BPTF: variants seen among roughly 807,000 people sequenced by gnomAD.
BPTF encodes bromodomain PHD finger transcription factor.
In BPTF, 18 loss-of-function variants were observed where a neutral mutation model predicts 292.5. That is an observed-to-expected ratio of 0.06 (90% CI 0.04 to 0.09). The LOEUF (loss-of-function observed/expected upper bound fraction) is 0.09, where lower values mean the gene tolerates loss of function less well. Ranked by LOEUF, BPTF falls within the 10% of genes least tolerant of loss-of-function variation. The pLI, the probability that BPTF is intolerant of heterozygous loss-of-function variation, is 1.00. For synonymous variants in BPTF, 1,225 were observed against 1,251.9 expected (o/e 0.98, Z 0.45); for missense variants, 2,726 against 3,498.7 (o/e 0.78, Z 5.57).
Position 67,854,407 on chromosome 17 carries a change from A to C in BPTF, c.1081A>C (p.Ile361Leu). 2 of 1,614,212 alleles carry C rather than the reference A, an allele frequency of 1.2e-6. No individual in the cohort carries two copies. The highest frequency in any genetic ancestry group is 2.2e-5 in the South Asian group (2 of 91,084). ...DYPYGPVENK[I>L]KVLQFLVDQF... ...CCCATATGGACCAGTAGAGAACAAGATCAAAGTTCTACAGTTTCTAGTCGA... is the reference window on the plus strand; with the variant it reads ...CCCATATGGACCAGTAGAGAACAAGCTCAAAGTTCTACAGTTTCTAGTCGA... Residue 361 changes from isoleucine to leucine, a missense_variant, in exon 2 of 28, where the codon ATC becomes CTC. Physicochemically the swap from Ile to Leu is conservative, Grantham distance 5 (BLOSUM62 2). Coordinates refer to ENST00000306378, the MANE Select transcript of BPTF (RefSeq NM_182641.4). This position sits in a 1 kb window ranked among gnomAD's most constrained non-coding sequence, Gnocchi z 5.6.
intron 1 of BPTF, among the ~76,000 whole-genome samples, chr17:67,826,821 C>T (rs141082284): frequency 5.3e-5 from 8 of 152,298 alleles, no homozygotes; most frequent in African/African-American, 1.9e-4. Context: ...AGGATTTGGA[C>T]AGATTGTGGT....
At chr17:67,844,752 A>T (rs569450617) in intron 1 of BPTF, among the ~76,000 whole-genome samples, 1 of 149,248 alleles carries the variant, frequency 6.7e-6, no homozygotes, top group Non-Finnish European at 1.5e-5. Flanking sequence ...TTTTTTATTT[A>T]TTTTTTTTGA....
intron 7 of BPTF, among the ~76,000 whole-genome samples, chr17:67,902,924 T>C (rs1001718510): frequency 2.0e-5 from 3 of 152,194 alleles, no homozygotes; most frequent in African/African-American, 7.2e-5. Flanking sequence ...CCTTTCTTTG[T>C]AGGTTTTGCT....
intron 13 of BPTF, among the ~76,000 whole-genome samples, chr17:67,920,933 A>G (rs2063388072): frequency 6.6e-6 from 1 of 152,102 alleles, no homozygotes; most frequent in South Asian, 2.1e-4. Context: ...AAGGCCAGGT[A>G]CAGTGGCTCA....
At chr17:67,932,753 A>G (rs1253533220) in intron 18 of BPTF, among the ~76,000 whole-genome samples, 3 of 152,074 alleles carry the variant, frequency 2.0e-5, no homozygotes, top group Non-Finnish European at 2.9e-5. Flanking sequence ...AACCCTATAC[A>G]TTTATGAGAA....
intron 27 of BPTF, among the ~76,000 whole-genome samples, chr17:67,976,714 A>AAAAAAAAAAG (rs1555694156): frequency 1.2e-4 from 14 of 116,580 alleles, no homozygotes; most frequent in East Asian, 3.9e-4. Flanking sequence ...AAAAAAAAAA[A>AAAAAAAAAAG]ATAAGAATAA....
intron 4 of BPTF, among the ~76,000 whole-genome samples, chr17:67,885,962 G>C (rs2060725007): frequency 6.6e-6 from 1 of 152,062 alleles, no homozygotes; most frequent in South Asian, 2.1e-4. Flanking sequence ...AAAAAAATAA[G>C]GTGTTGCCTA....
chr17:67,932,166 A>C (rs1211794722), intron 18 of BPTF, 147 bp downstream of exon 18: 8 of 652,056 alleles, frequency 1.2e-5, no homozygotes, highest in Non-Finnish European at 1.5e-5. Context: ...TGTGAGCTCT[A>C]TTCATTGATA....
At chr17:67,857,782 C>CTTT (rs35999365) in intron 2 of BPTF, among the ~76,000 whole-genome samples, 86 of 103,386 alleles carry the variant, frequency 8.3e-4, no homozygotes, top group South Asian at 1.7e-3. Flanking sequence ...ATATTTCTTT[C>CTTT]TTTTTTTTTT....
chr17:67,946,655 A>G (rs2065834068), intron 21 of BPTF, among the ~76,000 whole-genome samples: 1 of 152,228 alleles, frequency 6.6e-6, no homozygotes, highest in Admixed American at 6.5e-5. Flanking sequence ...CAGACATTAT[A>G]GCAATTCCTT....
At chr17:67,926,285 G>C (rs910013520) in intron 15 of BPTF, among the ~76,000 whole-genome samples, 8 of 144,468 alleles carry the variant, frequency 5.5e-5, no homozygotes, top group African/African-American at 2.1e-4. Context: ...CTGAGATAGC[G>C]AGCACCACTG....
intron 19 of BPTF, among the ~76,000 whole-genome samples, chr17:67,943,571 G>GCA (rs2065563252): frequency 6.6e-6 from 1 of 151,988 alleles, no homozygotes; most frequent in Admixed American, 6.6e-5. Flanking sequence ...TTACAGTTTA[G>GCA]CACACACACA....
At chr17:67,891,190 GAAAA>G (rs945738639) in intron 4 of BPTF, among the ~76,000 whole-genome samples, 1 of 148,538 alleles carries the variant, frequency 6.7e-6, no homozygotes, top group Middle Eastern at 3.2e-3. Context: ...TCAAAAAAAA[GAAAA>G]AAAAAATTCA....
chr17:67,844,559 CT>C lies in BPTF; in HGVS notation c.614-9368del, dbSNP rs781082621. ...ACCACGCCCGGCTAATTTTTTTTTT[CT>C]TTTTTTTTTTTTGTATTTTTACTAG... On this transcript the variant is annotated intron_variant, in intron 1 of 27. Coordinates refer to ENST00000306378, the MANE Select transcript of BPTF (RefSeq NM_182641.4). Among the ~76,000 whole-genome samples, 480 of 128,274 alleles carry C rather than the reference CT, an allele frequency of 3.7e-3. 1 individual carries two copies. The highest frequency in any genetic ancestry group is 7.9e-3 in the African/African-American group (279 of 35,338). 84.2% of individuals were successfully genotyped at this position (128,274 alleles called of 152,430 possible). A position where few individuals can be genotyped will look rare whatever the true frequency, so the allele number is the denominator to read the frequency against.
At chr17:67,969,922 G>A (rs782048422) in intron 26 of BPTF, among the ~76,000 whole-genome samples, 2 of 151,920 alleles carry the variant, frequency 1.3e-5, no homozygotes, top group African/African-American at 4.8e-5. Flanking sequence ...GTGAAACTCC[G>A]TGTCAAATAA....
At chr17:67,874,789 A>T (rs371490474) in intron 3 of BPTF, 28 bp from the exon 4 acceptor site, 3 of 1,500,816 alleles carry the variant, frequency 2.0e-6, no homozygotes, top group Non-Finnish European at 1.8e-6. Context: ...TATAGGAATA[A>T]TTTTTTTGTT....
Position 67,843,754 on chromosome 17 carries a change from CTTTTTTTTTTTTT to C in BPTF, c.614-10170_614-10158del, listed in dbSNP as rs56335701. On this transcript the variant is annotated intron_variant, in intron 1 of 27. Coordinates refer to ENST00000306378, the MANE Select transcript of BPTF (RefSeq NM_182641.4). ...TTTTTAAATTGTCTGGAGCAGTTGT[CTTTTTTTTTTTTT>C]TTTTTTTTTTTTTTTGAGATGGAGT... is the stretch of plus-strand genomic sequence containing the variant. Among the ~76,000 whole-genome samples the C allele has an allele frequency of 1.5e-3, 92 of 62,232 alleles. 1 individual carries two copies. Among genetic ancestry groups the C allele is most frequent in the African/African-American group, 6.7e-3 (80 of 11,930 alleles). The allele number at this position is 62,232 out of a possible 152,430, so 40.8% of individuals were successfully genotyped here.
intron 1 of BPTF, among the ~76,000 whole-genome samples, chr17:67,840,523 C>T (rs1046560106): frequency 6.6e-6 from 1 of 151,734 alleles, no homozygotes; most frequent in East Asian, 1.9e-4. Context: ...CCCCCTTCCC[C>T]CTTTTCCTCC....
chr17:67,928,841 GT>G, intron 16 of BPTF: 1 of 964,190 alleles, frequency 1.0e-6, no homozygotes, highest in Non-Finnish European at 1.4e-6. Flanking sequence ...GGAGAGGAAT[GT>G]TTTTATTAAA....
Sources: gnomAD v4.1 joint callset for allele counts (sites outside exome capture counted in the v4.1 genomes callset) on GRCh38, gnomAD v4.1.1 for gene constraint, Gnocchi (gnomAD v3.1) non-coding constraint, MANE v1.5 for transcripts, NCBI Gene and HGNC (gene_info 2026-07-23, HGNC 2026-07-21) for gene names.